Variants in TTC29 observed in about 807,000 individuals in gnomAD.
The protein encoded by TTC29 is tetratricopeptide repeat protein 29.
In TTC29, 49 loss-of-function variants were observed where a neutral mutation model predicts 58.1. The observed-to-expected ratio is 0.84, with a 90% CI of 0.67 to 1.07. TTC29 has a LOEUF of 1.07. TTC29 is among the 50% of genes least tolerant of loss of function. The pLI, the probability that TTC29 is intolerant of heterozygous loss-of-function variation, is 0.00. For missense variants in TTC29, 582 were observed against 555.6 expected (o/e 1.05, Z -0.48); for synonymous variants, 209 against 196.8 (o/e 1.06, Z -0.52).
Position 146,901,227 on chromosome 4 carries a change from A to G in TTC29, c.586+2317T>C, listed in dbSNP as rs892846104. 5.3e-5 allele frequency among the ~76,000 whole-genome samples: 8 copies of G among 152,340 alleles called. No individual in the cohort carries two copies. In the South Asian group the frequency reaches 1.7e-3, roughly 32 times the overall value. ...CTAGAAATTTTTAACAAATTTCTCA[A>G]TAACTTCTCAAATTTCTGATATAAC... On this transcript the variant is annotated intron_variant, in intron 6 of 12. Coordinates refer to ENST00000325106, the MANE Select transcript of TTC29 (RefSeq NM_031956.4).
chr4:146,896,372 G>C (rs940298887), intron 6 of TTC29, among the ~76,000 whole-genome samples: 8 of 151,962 alleles, frequency 5.3e-5, no homozygotes, highest in Admixed American at 3.9e-4. Flanking sequence ...TTTACCTTCT[G>C]GCATTTATTG....
chr4:146,877,741 TA>T (rs1405334967), intron 6 of TTC29, among the ~76,000 whole-genome samples: 1 of 152,144 alleles, frequency 6.6e-6, no homozygotes, highest in African/African-American at 2.4e-5. Context: ...TTTGGCCATG[TA>T]AGTGGGGAGA....
At chr4:146,884,585 G>C (rs1174403006) in intron 6 of TTC29, among the ~76,000 whole-genome samples, 1 of 152,078 alleles carries the variant, frequency 6.6e-6, no homozygotes, top group Non-Finnish European at 1.5e-5. Flanking sequence ...TTCCTCCAGA[G>C]GGACTTTTAA....
At chr4:146,914,301 A>G (rs899002251) in intron 4 of TTC29, among the ~76,000 whole-genome samples, 2 of 152,192 alleles carry the variant, frequency 1.3e-5, no homozygotes, top group Admixed American at 6.6e-5. Context: ...ATTGTTTTAA[A>G]CACAAATAGA....
chr4:146,943,008 A>G (rs1736555747), intron 2 of TTC29: 1 of 169,740 alleles, frequency 5.9e-6, no homozygotes, highest in Non-Finnish European at 1.2e-5. Context: ...ATAACTCCCC[A>G]CCAAAGTTGG....
intron 6 of TTC29, among the ~76,000 whole-genome samples, chr4:146,881,264 G>A (rs190600180): frequency 9.9e-5 from 15 of 152,228 alleles, no homozygotes; most frequent in African/African-American, 3.1e-4. Context: ...ACATTTGCCA[G>A]TAAAAACAAT....
At chr4:146,909,339 C>T (rs985264857) in intron 4 of TTC29, 90 bp from the exon 5 acceptor site, 41 of 1,070,270 alleles carry the variant, frequency 3.8e-5, no homozygotes, top group Middle Eastern at 2.6e-4. Flanking sequence ...AAGGTTGAAT[C>T]ATGTTGCCTT....
chr4:146,711,846 C>A (rs1240443516), intron 11 of TTC29, among the ~76,000 whole-genome samples: 1 of 151,992 alleles, frequency 6.6e-6, no homozygotes, highest in Non-Finnish European at 1.5e-5. Flanking sequence ...GGAAGTAAGC[C>A]AGTATATCAA....
chr4:146,893,763 G>A (rs1427898853), intron 6 of TTC29, among the ~76,000 whole-genome samples: 1 of 151,826 alleles, frequency 6.6e-6, no homozygotes, highest in African/African-American at 2.4e-5. Flanking sequence ...AGAATGGGAG[G>A]AAATTTTTGC....
chr4:146,930,919 G>A (rs1250918175), intron 4 of TTC29, among the ~76,000 whole-genome samples: 4 of 152,190 alleles, frequency 2.6e-5, no homozygotes, highest in Admixed American at 6.5e-5. Flanking sequence ...AAATAGAGAA[G>A]TGCATTTTGC....
intron 11 of TTC29, among the ~76,000 whole-genome samples, chr4:146,720,614 G>GAAAT (rs1399384876): frequency 1.3e-5 from 2 of 152,082 alleles, no homozygotes; most frequent in African/African-American, 4.8e-5. Flanking sequence ...AGGACAATGA[G>GAAAT]AAATAAAAAT....
intron 9 of TTC29, among the ~76,000 whole-genome samples, chr4:146,830,758 T>C (rs1456313214): frequency 6.6e-6 from 1 of 152,084 alleles, no homozygotes; most frequent in East Asian, 1.9e-4. Flanking sequence ...TACATGTGTG[T>C]GTTTGTGTTT....
chr4:146,803,331 AT>A lies in TTC29; in HGVS notation c.1330+125del. ...ATATCCAACCTTCATGTAGTAATGG[AT>A]CCATAAAATTGAAATTACCAATCAA... On this transcript the variant is annotated intron_variant, in intron 11 of 12. Coordinates refer to ENST00000325106, the MANE Select transcript of TTC29 (RefSeq NM_031956.4). The A allele has an allele frequency of 5.8e-6, 4 of 686,500 alleles. No homozygotes were observed. The South Asian group carries it at 8.0e-5, about 14-fold the overall frequency. The allele number at this position is 686,500 out of a possible 1,614,324, so 42.5% of individuals were successfully genotyped here.
At chr4:146,898,976 C>T (rs1210680924) in intron 6 of TTC29, among the ~76,000 whole-genome samples, 1 of 152,168 alleles carries the variant, frequency 6.6e-6, no homozygotes, top group Non-Finnish European at 1.5e-5. Context: ...AAAAGCAAGG[C>T]TTGAACTTAG....
At chr4:146,710,961 C>A (rs558155635) in intron 11 of TTC29, among the ~76,000 whole-genome samples, 1 of 152,042 alleles carries the variant, frequency 6.6e-6, no homozygotes, top group East Asian at 1.9e-4. Flanking sequence ...ATACAGTATT[C>A]TATGTAAACA....
chr4:146,851,967 ACT>A, intron 8 of TTC29, among the ~76,000 whole-genome samples: 1 of 152,204 alleles, frequency 6.6e-6, no homozygotes, highest in South Asian at 2.1e-4. Flanking sequence ...ACGGAGTCTC[ACT>A]CTGTCGCCCA....
chr4:146,935,803 C>G (rs1735765826), intron 4 of TTC29, among the ~76,000 whole-genome samples: 1 of 152,112 alleles, frequency 6.6e-6, no homozygotes, highest in Non-Finnish European at 1.5e-5. Flanking sequence ...GTTTGTTGAT[C>G]AATTTATCTT....
chr4:146,917,727 A>T (rs1734333504), intron 4 of TTC29, among the ~76,000 whole-genome samples: 1 of 138,742 alleles, frequency 7.2e-6, no homozygotes, highest in South Asian at 2.3e-4. Flanking sequence ...AATTTATATA[A>T]AATTATATAT....
chr4:146,943,169 CTTTTT>C (rs61184684), intron 2 of TTC29, among the ~76,000 whole-genome samples: 1,187 of 58,890 alleles, frequency 0.02, 2 homozygotes, highest in Middle Eastern at 0.03. Flanking sequence ...ATCAACTGTG[CTTTTT>C]TTTTTTTTTT....
Sources: allele counts gnomAD v4.1 joint callset (sites outside exome capture counted in the v4.1 genomes callset), GRCh38; gene constraint gnomAD v4.1.1; transcripts MANE v1.5; gene names NCBI Gene and HGNC (gene_info 2026-07-23, HGNC 2026-07-21).